BAZ2B: variants seen among roughly 807,000 people sequenced by gnomAD.
BAZ2B encodes the protein bromodomain adjacent to zinc finger domain 2B, also known as bromodomain adjacent to zinc finger domain protein 2B.
Under a neutral mutation model 246.0 loss-of-function variants are expected in BAZ2B, and 91 were observed. The observed-to-expected ratio is 0.37, with a 90% confidence interval of 0.31 to 0.44. The LOEUF (loss-of-function observed/expected upper bound fraction) is 0.44. BAZ2B is among the 20% of genes least tolerant of loss of function. The pLI is 1.00. For missense variants in BAZ2B, 2,332 were observed against 2,533.7 expected (o/e 0.92, Z 1.71); for synonymous variants, 855 against 860.0 (o/e 0.99, Z 0.10).
At chr2:159,369,441 G>A (rs180941300) in intron 27 of BAZ2B, among the ~76,000 whole-genome samples, 1 of 152,252 alleles carries the variant, frequency 6.6e-6, no homozygotes, top group Admixed American at 6.5e-5. Context: ...AGGTTTCAGA[G>A]TAGAGACATG....
the BAZ2B span, among the ~76,000 whole-genome samples, chr2:159,653,208 G>A: frequency 6.6e-6 from 1 of 152,112 alleles, no homozygotes; most frequent in Non-Finnish European, 1.5e-5. Context: ...CCAAAGTGCT[G>A]GGATTATAGG....
chr2:159,352,218 G>C (rs2058640909), intron 27 of BAZ2B, among the ~76,000 whole-genome samples: 1 of 152,014 alleles, frequency 6.6e-6, no homozygotes, highest in African/African-American at 2.4e-5. Context: ...CCTTGATCTT[G>C]TTCTTCCCTC....
intron 14 of BAZ2B, among the ~76,000 whole-genome samples, chr2:159,406,960 TAGAC>T (rs1205811646): frequency 2.0e-5 from 3 of 151,802 alleles, no homozygotes; most frequent in African/African-American, 7.3e-5. Flanking sequence ...TTCACCGTGT[TAGAC>T]AGGATGGTCT....
the BAZ2B span, among the ~76,000 whole-genome samples, chr2:159,669,140 G>C: frequency 1.3e-5 from 2 of 151,832 alleles, no homozygotes; most frequent in African/African-American, 2.4e-5. Context: ...CTCAAGTTTT[G>C]ATCTGTTGTA....
intron 1 of BAZ2B, among the ~76,000 whole-genome samples, chr2:159,586,416 T>C (rs2151666938): frequency 6.6e-6 from 1 of 152,288 alleles, no homozygotes; most frequent in Non-Finnish European, 1.5e-5. Context: ...TCAGAATTTT[T>C]CTTATAAATT....
the BAZ2B span, among the ~76,000 whole-genome samples, chr2:159,686,814 G>A: frequency 9.2e-5 from 14 of 152,122 alleles, no homozygotes; most frequent in South Asian, 4.1e-4. Context: ...AGGCCAAGGC[G>A]GACGGATCAC....
the BAZ2B span, among the ~76,000 whole-genome samples, chr2:159,624,233 A>G: frequency 6.6e-6 from 1 of 152,240 alleles, no homozygotes; most frequent in African/African-American, 2.4e-5. Flanking sequence ...TCCCTGGGAC[A>G]CAGCACCTGG....
chr2:159,462,901 A>C, intron 3 of BAZ2B: 2 of 1,584,828 alleles, frequency 1.3e-6, no homozygotes, highest in South Asian at 2.2e-5. Flanking sequence ...TCTCTCCAAG[A>C]CTTCAGACCT....
intron 12 of BAZ2B, 110 bp downstream of exon 12, chr2:159,428,201 A>G: frequency 1.8e-6 from 2 of 1,120,196 alleles, no homozygotes; most frequent in Non-Finnish European, 2.6e-6. Flanking sequence ...CCCATACAAG[A>G]GAATATTTAG....
intron 10 of BAZ2B, among the ~76,000 whole-genome samples, chr2:159,429,870 T>G (rs1331302797): frequency 6.6e-6 from 1 of 152,162 alleles, no homozygotes; most frequent in Non-Finnish European, 1.5e-5. Flanking sequence ...AGCTAGAAAC[T>G]GACAAGAGGA....
Position 159,347,575 on chromosome 2 carries a change from C to T in BAZ2B, c.5365G>A (p.Glu1789Lys). The change falls in exon 31 of 37, where the codon GAA becomes AAA. Residue 1789 changes from glutamate to lysine, a missense_variant. By Grantham distance (56) the Glu-to-Lys change is moderately conservative. Around this residue, in one of 9 missense-constraint regions of BAZ2B, gnomAD observed 676 missense variants for 668.6 expected, o/e 1.01. Coordinates refer to ENST00000392783, the MANE Select transcript of BAZ2B (RefSeq NM_013450.4). ...AAATCCATTTCCATTGCTTGTTCTT[C>T]TACTGACCAGTTCTCCACAATATCT... Reference protein sequence around the residue: ...TRDIVENWSVEEQAMEMDLSV... With the variant: ...TRDIVENWSVKEQAMEMDLSV... The T allele has an allele frequency of 1.2e-6, 2 of 1,613,420 alleles. No homozygotes were observed. Among genetic ancestry groups the T allele is most frequent in the Non-Finnish European group, 1.7e-6 (2 of 1,179,496 alleles).
chr2:159,574,878 G>A (rs1684922056), intron 1 of BAZ2B, among the ~76,000 whole-genome samples: 1 of 151,830 alleles, frequency 6.6e-6, no homozygotes, highest in African/African-American at 2.4e-5. Context: ...GCTGAGGCAG[G>A]AGAATCGCTT....
At chr2:159,519,616 G>A (rs193259312) in intron 2 of BAZ2B, among the ~76,000 whole-genome samples, 5 of 149,898 alleles carry the variant, frequency 3.3e-5, no homozygotes, top group African/African-American at 9.8e-5. Flanking sequence ...TCCAGATCAG[G>A]CAAAAGATAA....
the BAZ2B span, among the ~76,000 whole-genome samples, chr2:159,660,216 T>A: frequency 3.9e-5 from 6 of 152,230 alleles, no homozygotes; most frequent in Admixed American, 3.3e-4. Context: ...AAATTATACA[T>A]CTGTCCTTTC....
chr2:159,405,185 G>A, intron 14 of BAZ2B, 71 bp from the exon 15 acceptor site: 2 of 1,276,498 alleles, frequency 1.6e-6, no homozygotes, highest in South Asian at 2.5e-5. Flanking sequence ...ATAACTGTGT[G>A]AAAATGGTAT....
intron 3 of BAZ2B, among the ~76,000 whole-genome samples, chr2:159,454,777 A>C (rs1298896092): frequency 6.6e-6 from 1 of 152,242 alleles, no homozygotes; most frequent in African/African-American, 2.4e-5. Flanking sequence ...ATGTGTTCAC[A>C]AGTGGTTACC....
At chr2:159,639,675 C>T in the BAZ2B span, among the ~76,000 whole-genome samples, 2 of 151,894 alleles carry the variant, frequency 1.3e-5, no homozygotes, top group African/African-American at 4.8e-5. Context: ...ACTCTCAAAT[C>T]AGAAAACATA....
chr2:159,670,106 G>A, the BAZ2B span, among the ~76,000 whole-genome samples: 3 of 151,934 alleles, frequency 2.0e-5, no homozygotes, highest in African/African-American at 4.8e-5. Flanking sequence ...AAGTAGCCGC[G>A]ACTACAGGCA....
At chr2:159,463,077 A>G (rs1357148787) in intron 3 of BAZ2B, 1 of 713,760 alleles carries the variant, frequency 1.4e-6, no homozygotes, top group Non-Finnish European at 2.6e-6. Flanking sequence ...GTGTGAACTG[A>G]TCCATGTTAT....
Sources: gnomAD v4.1 joint callset for allele counts (sites outside exome capture counted in the v4.1 genomes callset) on GRCh38, gnomAD v4.1.1 for gene constraint, gnomAD v4.1.1 regional missense constraint, MANE v1.5 for transcripts, NCBI Gene and HGNC (gene_info 2026-07-23, HGNC 2026-07-21) for gene names.